The following THADA variants were observed in gnomAD, a reference collection of about 807,000 sequenced individuals.
The protein encoded by THADA is tRNA (32-2'-O)-methyltransferase regulator THADA.
A neutral mutation model predicts 219.8 loss-of-function variants in THADA; 213 were observed. That is an observed-to-expected ratio of 0.97 (90% CI 0.87 to 1.09). The LOEUF (loss-of-function observed/expected upper bound fraction) is 1.09, where lower values mean the gene tolerates loss of function less well. Ranked by LOEUF, THADA falls within the 50% of genes least tolerant of loss-of-function variation. THADA has a pLI of 0.00. For synonymous variants in THADA, 1,018 were observed against 828.9 expected, an observed-to-expected ratio of 1.23 and a Z score of -3.92; for missense variants, 2,956 against 2,311.3, an observed-to-expected ratio of 1.28 and a Z score of -5.72.
intron 29 of THADA, among the ~76,000 whole-genome samples, chr2:43,381,097 CAAAAAAAAAAAA>C (rs58711910): frequency 3.7e-5 from 2 of 54,402 alleles, no homozygotes; most frequent in Admixed American, 4.9e-4. Flanking sequence ...GAGACTTTGT[CAAAAAAAAAAAA>C]AAAAAAAAAA....
chr2:43,247,093 C>T (rs766372532), intron 36 of THADA, among the ~76,000 whole-genome samples: 1 of 152,162 alleles, frequency 6.6e-6, no homozygotes, highest in African/African-American at 2.4e-5. Context: ...GGTTTCGAGA[C>T]TCCAGGGGTC....
intron 25 of THADA, among the ~76,000 whole-genome samples, chr2:43,485,625 T>A (rs1686826056): frequency 1.3e-5 from 2 of 152,188 alleles, no homozygotes; most frequent in South Asian, 4.1e-4. Flanking sequence ...AACACTTTTC[T>A]AAAAATTCAT....
At chr2:43,398,928 G>C (rs1674433058) in intron 28 of THADA, among the ~76,000 whole-genome samples, 1 of 152,130 alleles carries the variant, frequency 6.6e-6, no homozygotes, top group Non-Finnish European at 1.5e-5. Context: ...CATACCCAAA[G>C]AGCGGGAATA....
At chr2:43,232,955 T>C in intron 36 of THADA, 73 bp from the exon 37 acceptor site, 1 of 1,482,484 alleles carries the variant, frequency 6.7e-7, no homozygotes, top group Non-Finnish European at 9.1e-7. Flanking sequence ...TGCAGGACCC[T>C]GGGAACAATA....
chr2:43,551,688 C>A, intron 19 of THADA, 101 bp downstream of exon 19: 1 of 1,132,010 alleles, frequency 8.8e-7, no homozygotes, highest in Non-Finnish European at 1.2e-6. Flanking sequence ...CTCAACTTAG[C>A]TTTTATATCT....
chr2:43,399,948 A>C (rs1037032553), intron 28 of THADA, among the ~76,000 whole-genome samples: 10 of 152,202 alleles, frequency 6.6e-5, no homozygotes, highest in African/African-American at 2.4e-4. Flanking sequence ...GACCTCACTT[A>C]GTAAGGCAGT....
At position 43,577,220 on chromosome 2, in the gene THADA, G is replaced by C. The variant is rs768783970; in HGVS notation, c.839C>G (p.Ser280Ter). ...CTCGGGGACACTGGTGCAGTCCACT[G>C]AACGAAGCAGCACACTGCTAATCTG... Reference protein sequence around the residue: ...PHLISSVLLRSVDCTSVPEWF... With the variant: ...PHLISSVLLR The change falls in exon 10 of 38, where the codon TCA becomes TGA. Residue 280 changes from serine (S) to a stop codon, truncating the protein, a stop_gained. Coordinates refer to ENST00000405975, the MANE Select transcript of THADA (RefSeq NM_022065.5). LOFTEE classifies it high-confidence loss of function. 1 of 1,595,572 alleles carries C rather than the reference G, an allele frequency of 6.3e-7. No homozygotes were observed. Among genetic ancestry groups the C allele is most frequent in the South Asian group, 1.1e-5 (1 of 87,760 alleles).
intron 25 of THADA, among the ~76,000 whole-genome samples, chr2:43,493,865 T>G (rs1047347272): frequency 6.6e-6 from 1 of 152,188 alleles, no homozygotes; most frequent in Non-Finnish European, 1.5e-5. Flanking sequence ...TACAATAGCT[T>G]CCTGACTGGT....
intron 34 of THADA, 46 bp from the exon 35 acceptor site, chr2:43,287,107 A>C (rs765560111): frequency 6.4e-7 from 1 of 1,562,058 alleles, no homozygotes; most frequent in Non-Finnish European, 8.7e-7. Context: ...AGATGCAACA[A>C]GGGCTGACAC....
intron 28 of THADA, among the ~76,000 whole-genome samples, chr2:43,423,318 T>C (rs771833480): frequency 3.9e-5 from 6 of 152,230 alleles, no homozygotes; most frequent in Non-Finnish European, 7.3e-5. Context: ...AGAGATTCTT[T>C]CCCTATCTCC....
chr2:43,407,676 T>C (rs1675737838), intron 28 of THADA, among the ~76,000 whole-genome samples: 1 of 152,052 alleles, frequency 6.6e-6, no homozygotes, highest in South Asian at 2.1e-4. Context: ...GATTCTGATA[T>C]CCACGCTAAA....
rs1699654678 is a variant in THADA, at chr2:43,574,618, C to T, written c.1447G>A (p.Glu483Lys). The change falls in exon 11 of 38, where the codon GAG (glutamate) becomes AAG (lysine). Residue 483 changes from glutamate to lysine, a missense_variant. Coordinates refer to ENST00000405975, the MANE Select transcript of THADA (RefSeq NM_022065.5). ...ACCAATGACTGGTCTCCCATCACCT[C>T]TAAGATTTGAGATGGAATAGTTTTA... ...IDKTIPSQIL[E>K]VMGDQSLVPY... 1 of 1,613,986 alleles carries T rather than the reference C, an allele frequency of 6.2e-7. No homozygotes were observed. The highest frequency in any genetic ancestry group is 8.5e-7 in the Non-Finnish European group (1 of 1,179,898).
chr2:43,345,446 G>C (rs1667532010), intron 29 of THADA, among the ~76,000 whole-genome samples: 2 of 152,202 alleles, frequency 1.3e-5, no homozygotes, highest in Non-Finnish European at 2.9e-5. Context: ...AACTGTACAG[G>C]AGAGTGCACA....
At chr2:43,433,249 G>A (rs1217746217) in intron 26 of THADA, among the ~76,000 whole-genome samples, 1 of 152,098 alleles carries the variant, frequency 6.6e-6, no homozygotes, top group Admixed American at 6.5e-5. Context: ...GAGATGTGCT[G>A]CTGGGTGTGG....
chr2:43,278,181 C>A (rs992865043), intron 36 of THADA, among the ~76,000 whole-genome samples: 1 of 152,036 alleles, frequency 6.6e-6, no homozygotes, highest in South Asian at 2.1e-4. Context: ...GAACTTCTGA[C>A]CGCAAGTGAT....
In THADA at chr2:43,346,855, T is replaced by C. The variant is rs369460996; in HGVS notation, c.4228-2618A>G. Among the ~76,000 whole-genome samples the C allele has an allele frequency of 6.6e-5, 10 of 152,316 alleles. No homozygotes were observed. In the East Asian group the frequency reaches 1.9e-3, roughly 29 times the overall value. ...CATGGCAGCATCGTCATCACTTTTG[T>C]TTGTATGCTTGACCTCCCCCTCCAA... On this transcript the variant is annotated intron_variant, in intron 29 of 37. Coordinates refer to ENST00000405975, the MANE Select transcript of THADA (RefSeq NM_022065.5).
At chr2:43,576,654 T>G (rs1699886399) in intron 10 of THADA, among the ~76,000 whole-genome samples, 1 of 152,126 alleles carries the variant, frequency 6.6e-6, no homozygotes, top group Non-Finnish European at 1.5e-5. Context: ...CAGCAATAAT[T>G]TTATTTATTT....
intron 31 of THADA, among the ~76,000 whole-genome samples, chr2:43,298,587 T>C (rs1219504563): frequency 7.2e-6 from 1 of 139,380 alleles, no homozygotes; most frequent in Non-Finnish European, 1.5e-5. Context: ...CACCCAAGAA[T>C]TATCAATAAA....
At chr2:43,325,946 C>T (rs1055611967) in intron 30 of THADA, among the ~76,000 whole-genome samples, 5 of 152,038 alleles carry the variant, frequency 3.3e-5, no homozygotes, top group African/African-American at 1.2e-4. Flanking sequence ...TGCTTTGTAT[C>T]CAAAATGGCA....
Sources: allele counts gnomAD v4.1 joint callset (sites outside exome capture counted in the v4.1 genomes callset), GRCh38; gene constraint gnomAD v4.1.1; transcripts MANE v1.5; gene names NCBI Gene and HGNC (gene_info 2026-07-23, HGNC 2026-07-21).